Variants in MAPK4 observed in about 807,000 individuals in gnomAD.
The protein encoded by MAPK4 is Erk3-related.
In MAPK4, 22 loss-of-function variants were observed where a neutral mutation model predicts 47.7. That is an observed-to-expected ratio of 0.46 (90% CI 0.33 to 0.66). The LOEUF is 0.66. MAPK4 is among the 30% of genes least tolerant of loss of function. The pLI, the probability that MAPK4 is intolerant of heterozygous loss-of-function variation, is 0.02. For synonymous variants in MAPK4, 390 were observed against 365.7 expected (o/e 1.07, Z -0.76); for missense variants, 736 against 831.7 (o/e 0.88, Z 1.42).
chr18:50,716,466 C>G (rs957934321), intron 3 of MAPK4, among the ~76,000 whole-genome samples: 3 of 152,188 alleles, frequency 2.0e-5, no homozygotes, highest in African/African-American at 7.2e-5. Flanking sequence ...GCTGCTGTCA[C>G]TTACTCAAAG....
chr18:50,639,782 A>G (rs2042922107), intron 1 of MAPK4, among the ~76,000 whole-genome samples: 1 of 152,182 alleles, frequency 6.6e-6, no homozygotes, highest in Admixed American at 6.5e-5. Flanking sequence ...CTTGTTGGAC[A>G]TTGGGATGAT....
At chr18:50,636,765 C>T (rs1214677653) in intron 1 of MAPK4, among the ~76,000 whole-genome samples, 1 of 152,192 alleles carries the variant, frequency 6.6e-6, no homozygotes, top group Non-Finnish European at 1.5e-5. Context: ...CCTTCTGGCC[C>T]ACAAGGATCT....
upstream of MAPK4, chr18:50,559,929 G>A (rs1403190722): frequency 6.6e-6 from 1 of 151,116 alleles, no homozygotes; most frequent in Non-Finnish European, 1.5e-5. Flanking sequence ...GGGCAGAGCA[G>A]GGCGCGCGGG....
intron 1 of MAPK4, among the ~76,000 whole-genome samples, chr18:50,627,372 G>T (rs575694226): frequency 1.3e-5 from 2 of 152,206 alleles, no homozygotes; most frequent in Non-Finnish European, 2.9e-5. Context: ...ACAATGGATA[G>T]CAATAGTTCC....
intron 2 of MAPK4, among the ~76,000 whole-genome samples, chr18:50,692,600 C>G (rs571466135): frequency 1.3e-5 from 2 of 152,218 alleles, no homozygotes; most frequent in South Asian, 2.1e-4. Flanking sequence ...ATAAAGAATG[C>G]GAAGTGCTTA....
At chr18:50,629,238 G>A (rs1426375634) in intron 1 of MAPK4, among the ~76,000 whole-genome samples, 1 of 152,204 alleles carries the variant, frequency 6.6e-6, no homozygotes, top group Non-Finnish European at 1.5e-5. Context: ...CATGTAACAA[G>A]CTTGACGTGT....
At chr18:50,597,818 T>C (rs1169174330) in intron 1 of MAPK4, among the ~76,000 whole-genome samples, 2 of 152,142 alleles carry the variant, frequency 1.3e-5, no homozygotes, top group Non-Finnish European at 2.9e-5. Flanking sequence ...CATTTGAAAA[T>C]TGAGATTAAT....
intron 4 of MAPK4, among the ~76,000 whole-genome samples, chr18:50,725,234 A>C (rs1311366729): frequency 6.6e-6 from 1 of 152,176 alleles, no homozygotes; most frequent in East Asian, 1.9e-4. Context: ...TATCTGTAAT[A>C]TCTATCCATC....
At position 50,729,595 on chromosome 18, in the gene MAPK4, G is replaced by T; in HGVS notation, c.1505G>T (p.Gly502Val). The T allele has an allele frequency of 7.3e-7, 1 of 1,366,344 alleles. No individual in the cohort carries two copies. Among genetic ancestry groups the T allele is most frequent in the Non-Finnish European group, 9.4e-7 (1 of 1,061,584 alleles). The allele number at this position is 1,366,344 out of a possible 1,614,324, so 84.6% of individuals were successfully genotyped here. The change falls in exon 6 of 6, where the codon GGC (glycine) becomes GTC (valine). Residue 502 changes from glycine to valine, a missense_variant. Transcript: ENST00000400384. ...EIAQWVKSTQ[G>V]GPEHASPPAD... is the part of the protein sequence containing the mutation. ...GCGCAGTGGGTCAAGAGCACGCAGG[G>T]CGGCCCAGAGCACGCCAGCCCGCCC...
intron 2 of MAPK4, among the ~76,000 whole-genome samples, chr18:50,697,053 A>G (rs2099826164): frequency 6.6e-6 from 1 of 152,058 alleles, no homozygotes; most frequent in Non-Finnish European, 1.5e-5. Context: ...ACACATGCAC[A>G]TTGTCTGGCC....
At chr18:50,666,756 C>T (rs1371299087) in intron 2 of MAPK4, among the ~76,000 whole-genome samples, 1 of 152,184 alleles carries the variant, frequency 6.6e-6, no homozygotes, top group Non-Finnish European at 1.5e-5. Flanking sequence ...CCTGCAACCC[C>T]GTGTTTGGCA....
At chr18:50,568,195 C>T (rs1466278963) in intron 1 of MAPK4, among the ~76,000 whole-genome samples, 1 of 92,360 alleles carries the variant, frequency 1.1e-5, no homozygotes, top group East Asian at 3.0e-4. Context: ...GACGCTGTCC[C>T]AAAAAAAAAA....
chr18:50,594,413 A>G (rs1032493940), intron 1 of MAPK4, among the ~76,000 whole-genome samples: 6 of 152,236 alleles, frequency 3.9e-5, no homozygotes, highest in African/African-American at 1.2e-4. Flanking sequence ...ATAGACAAAT[A>G]GATCAATGAA....
At chr18:50,675,985 G>A (rs1034668166) in intron 2 of MAPK4, among the ~76,000 whole-genome samples, 6 of 152,204 alleles carry the variant, frequency 3.9e-5, no homozygotes, top group East Asian at 1.9e-4. Context: ...GTGGGGATGC[G>A]ACATTGCTGC....
intron 3 of MAPK4, among the ~76,000 whole-genome samples, chr18:50,720,390 C>G (rs1910871711): frequency 6.6e-6 from 1 of 152,140 alleles, no homozygotes; most frequent in South Asian, 2.1e-4. Flanking sequence ...TATAAATAAT[C>G]ATCCTCATTC....
intron 2 of MAPK4, among the ~76,000 whole-genome samples, chr18:50,681,940 C>A (rs1908611237): frequency 6.6e-6 from 1 of 152,102 alleles, no homozygotes; most frequent in South Asian, 2.1e-4. Flanking sequence ...AACCTTGAAA[C>A]CATTATCCTA....
intron 1 of MAPK4, among the ~76,000 whole-genome samples, chr18:50,639,985 T>G (rs1205876172): frequency 1.3e-5 from 2 of 152,248 alleles, no homozygotes; most frequent in African/African-American, 4.8e-5. Context: ...CTTTCTTTTG[T>G]TCTCCTAATG....
chr18:50,724,646 G>C (rs954490205), intron 4 of MAPK4, among the ~76,000 whole-genome samples: 1 of 152,242 alleles, frequency 6.6e-6, no homozygotes, highest in African/African-American at 2.4e-5. Flanking sequence ...TAACTAATTT[G>C]GGGGTCTAGG....
intron 3 of MAPK4, among the ~76,000 whole-genome samples, chr18:50,721,329 G>A (rs1910924445): frequency 6.6e-6 from 1 of 152,202 alleles, no homozygotes; most frequent in African/African-American, 2.4e-5. Flanking sequence ...TATGGAATGA[G>A]GGAATAAATG....
Sources: gnomAD v4.1 joint callset for allele counts (sites outside exome capture counted in the v4.1 genomes callset) on GRCh38, gnomAD v4.1.1 for gene constraint, MANE v1.5 for transcripts, NCBI Gene and HGNC (gene_info 2026-07-23, HGNC 2026-07-21) for gene names.